Variants in CHSY1 observed in about 807,000 individuals in gnomAD.
The protein encoded by CHSY1 is N-acetylgalactosaminyl-proteoglycan 3-beta-glucuronosyltransferase 1.
A neutral mutation model predicts 59.8 loss-of-function variants in CHSY1; 13 were observed. That is an observed-to-expected ratio of 0.22 (90% CI 0.14 to 0.35). The LOEUF is 0.35. Ranked by LOEUF, CHSY1 falls within the 10% of genes least tolerant of loss-of-function variation. The probability of loss-of-function intolerance (pLI) is 1.00; values close to 1 mark genes in which losing one functional copy is unlikely to be tolerated. For synonymous variants in CHSY1, 459 were observed against 401.2 expected, an observed-to-expected ratio of 1.14 and a Z score of -1.72; for missense variants, 947 against 1,030.6, an observed-to-expected ratio of 0.92 and a Z score of 1.11.
chr15:101,235,071 T>A lies in CHSY1; in HGVS notation c.816+11A>T. ...TTAAGTTTTTCCCATGGTAAAGAAT[T>A]CTGTTCTTACCTCATAAGACCAGAC... On this transcript the variant is annotated intron_variant, in intron 2 of 2. Coordinates refer to ENST00000254190, the MANE Select transcript of CHSY1 (RefSeq NM_014918.5). 1 of 1,612,980 alleles carries A rather than the reference T, an allele frequency of 6.2e-7. No individual in the cohort carries two copies. Among genetic ancestry groups the A allele is most frequent in the Non-Finnish European group, 8.5e-7 (1 of 1,179,990 alleles).
intron 2 of CHSY1, among the ~76,000 whole-genome samples, chr15:101,232,998 C>A (rs1305224924): frequency 6.6e-6 from 1 of 152,038 alleles, no homozygotes; most frequent in Non-Finnish European, 1.5e-5. Context: ...CCTCCCAAGG[C>A]AGGGAGACGG....
chr15:101,184,694 G>GGT (rs1477560095), intron 2 of CHSY1, among the ~76,000 whole-genome samples: 4 of 152,198 alleles, frequency 2.6e-5, no homozygotes, highest in Admixed American at 2.6e-4. Context: ...AAGATAAAAA[G>GGT]GTGTGTGTGA....
rs2038229252 is a variant in CHSY1 at position 101,178,505 on chromosome 15, T to C, written c.1292A>G (p.Glu431Gly). 1 of 1,614,260 alleles carries C rather than the reference T, an allele frequency of 6.2e-7. No homozygotes were observed. The highest frequency in any genetic ancestry group is 8.5e-7 in the Non-Finnish European group (1 of 1,180,054). The change falls in exon 3 of 3, where the codon GAG (glutamate) becomes GGG (glycine). Residue 431 changes from glutamate (E) to glycine (G), a missense_variant. Physicochemically the swap from Glu to Gly is moderately conservative, Grantham distance 98. Coordinates refer to ENST00000254190, the MANE Select transcript of CHSY1 (RefSeq NM_014918.5). ...CACCCGGCGGTAGCCGTACTGGATC[T>C]CTTTGAAGTCAATGATGCGCCCTCT... ...KTRGRIIDFK[E>G]IQYGYRRVNP...
In CHSY1 at chr15:101,251,509, G is replaced by T; in HGVS notation, c.-53C>A. On this transcript the variant is annotated 5_prime_UTR_variant, in exon 1 of 3. In the 5' UTR this introduces an upstream ATG that the reference lacks. Transcript: ENST00000254190. ...CCGCCGCAGGCTCCGCGCGCCCTCAGCCCGCTGCCCCCGCCCGCGGAGGCC... is the reference window on the plus strand; with the variant it reads ...CCGCCGCAGGCTCCGCGCGCCCTCATCCCGCTGCCCCCGCCCGCGGAGGCC... The T allele has an allele frequency of 1.6e-5, 1 of 63,152 alleles. No homozygotes were observed. The highest frequency in any genetic ancestry group is 2.3e-5 in the Non-Finnish European group (1 of 44,112). The allele number at this position is 63,152 out of a possible 1,614,324, so 3.9% of individuals were successfully genotyped here. A position where few individuals can be genotyped will look rare whatever the true frequency, so the allele number is the denominator to read the frequency against.
intron 2 of CHSY1, among the ~76,000 whole-genome samples, chr15:101,198,904 C>T (rs1190074757): frequency 1.3e-5 from 2 of 152,252 alleles, no homozygotes; most frequent in Admixed American, 1.3e-4. Context: ...ACCCTTTACA[C>T]AGCACAAAGA....
At chr15:101,222,256 T>A (rs1221644344) in intron 2 of CHSY1, among the ~76,000 whole-genome samples, 2 of 152,216 alleles carry the variant, frequency 1.3e-5, no homozygotes, top group Non-Finnish European at 2.9e-5. Flanking sequence ...AGTTTCCCCT[T>A]GGCATGGAGA....
At position 101,204,082 on chromosome 15, in the gene CHSY1, C is replaced by A. The variant is rs141972663; in HGVS notation, c.817-25102G>T. Among the ~76,000 whole-genome samples the A allele has an allele frequency of 5.6e-3, 856 of 152,256 alleles. 7 individuals carry two copies. The highest frequency in any genetic ancestry group is 0.02 in the African/African-American group (821 of 41,540). Reference sequence around the variant, plus strand: ...TGAATGACCTTGTTCTTAGGAAATACATACTGATTTAAGGGCAAAAAGAGC... The same window carrying A: ...TGAATGACCTTGTTCTTAGGAAATAAATACTGATTTAAGGGCAAAAAGAGC... On this transcript the variant is annotated intron_variant, in intron 2 of 2. Coordinates refer to ENST00000254190, the MANE Select transcript of CHSY1 (RefSeq NM_014918.5).
intron 2 of CHSY1, among the ~76,000 whole-genome samples, chr15:101,208,024 G>A (rs1182435423): frequency 3.3e-5 from 5 of 152,238 alleles, no homozygotes; most frequent in Non-Finnish European, 7.3e-5. Context: ...ACTTACAGCG[G>A]AAACTGATGC....
chr15:101,214,975 C>T (rs1239389680), intron 2 of CHSY1, among the ~76,000 whole-genome samples: 5 of 152,288 alleles, frequency 3.3e-5, no homozygotes, highest in Admixed American at 6.5e-5. Context: ...CGCAAGATCT[C>T]GTTTTTTAAA....
At chr15:101,231,926 G>T (rs367972558) in intron 2 of CHSY1, among the ~76,000 whole-genome samples, 10 of 152,190 alleles carry the variant, frequency 6.6e-5, no homozygotes, top group African/African-American at 2.2e-4. Context: ...GCCAGGAGCT[G>T]AGCTCCTCCC....
intron 2 of CHSY1, among the ~76,000 whole-genome samples, chr15:101,216,960 A>G (rs749467091): frequency 2.6e-5 from 4 of 152,260 alleles, no homozygotes; most frequent in African/African-American, 7.2e-5. Flanking sequence ...ATCTAACTGC[A>G]TTACAAATGT....
At position 101,198,889 on chromosome 15, in the gene CHSY1, C is replaced by T. The variant is rs992534093; in HGVS notation, c.817-19909G>A. On this transcript the variant is annotated intron_variant, in intron 2 of 2. Coordinates refer to ENST00000254190, the MANE Select transcript of CHSY1 (RefSeq NM_014918.5). ...CTGCAAAAACCCTAAAACATTTACC[C>T]GCCAACCCTTTACACAGCACAAAGA... 2.6e-5 allele frequency among the ~76,000 whole-genome samples: 4 copies of T among 152,232 alleles called. No homozygotes were observed. The East Asian group carries it at 5.8e-4, about 22-fold the overall frequency.
intron 1 of CHSY1, among the ~76,000 whole-genome samples, chr15:101,245,830 A>G (rs1178560687): frequency 2.0e-5 from 3 of 152,258 alleles, no homozygotes; most frequent in African/African-American, 7.2e-5. Context: ...TGGTGCTCCA[A>G]AAGTTCACTT....
chr15:101,186,256 G>A (rs1053121402), intron 2 of CHSY1, among the ~76,000 whole-genome samples: 1 of 151,404 alleles, frequency 6.6e-6, no homozygotes, highest in Non-Finnish European at 1.5e-5. Context: ...GGAGGCGGAG[G>A]TTGCAGTGAG....
At chr15:101,195,230 TAC>T (rs1457341437) in intron 2 of CHSY1, among the ~76,000 whole-genome samples, 1 of 152,218 alleles carries the variant, frequency 6.6e-6, no homozygotes, top group Non-Finnish European at 1.5e-5. Context: ...CATATAAGAT[TAC>T]AAAACTAATT....
At chr15:101,183,212 A>C (rs548365765) in intron 2 of CHSY1, among the ~76,000 whole-genome samples, 4 of 152,298 alleles carry the variant, frequency 2.6e-5, no homozygotes, top group African/African-American at 9.6e-5. Context: ...ACAGGAGGGA[A>C]AACAACAATA....
chr15:101,239,402 G>A (rs1001222638), intron 1 of CHSY1, among the ~76,000 whole-genome samples: 39 of 152,326 alleles, frequency 2.6e-4, no homozygotes, highest in East Asian at 1.2e-3. Flanking sequence ...CTAAGGAGGC[G>A]AATCTACAGC....
rs375024101 is a variant in CHSY1 at position 101,177,503 on chromosome 15, C to T, written c.2294G>A (p.Gly765Glu). 2 of 1,613,284 alleles carry T rather than the reference C, an allele frequency of 1.2e-6. No homozygotes were observed. The highest frequency in any genetic ancestry group is 1.7e-6 in the Non-Finnish European group (2 of 1,179,278). ...GGACCCATAGGTCGATGCTTTGGAC[C>T]CCAAGCACATTTTGTACTGTTTGGG... The part of the protein sequence containing the change: ...LDPKQYKMCL[G>E]SKASTYGSTQ... Residue 765 changes from glycine to glutamate, a missense_variant, in exon 3 of 3, where the codon GGG becomes GAG. Gly to Glu is a moderately conservative substitution (Grantham distance 98, BLOSUM62 -2). This residue lies in a region of CHSY1 where 602 missense variants were observed against 676.9 expected (regional missense o/e 0.89). Coordinates refer to ENST00000254190, the MANE Select transcript of CHSY1 (RefSeq NM_014918.5).
intron 2 of CHSY1, among the ~76,000 whole-genome samples, chr15:101,223,918 T>A (rs1171376847): frequency 6.6e-6 from 1 of 152,278 alleles, no homozygotes; most frequent in Non-Finnish European, 1.5e-5. Flanking sequence ...TAACGATGTC[T>A]CAGTCAACAA....
Sources: gnomAD v4.1 joint callset for allele counts (sites outside exome capture counted in the v4.1 genomes callset) on GRCh38, gnomAD v4.1.1 for gene constraint, gnomAD v4.1.1 regional missense constraint, MANE v1.5 for transcripts, NCBI Gene and HGNC (gene_info 2026-07-23, HGNC 2026-07-21) for gene names.